Variants in TRIM37 observed in about 807,000 individuals in gnomAD.
The protein encoded by TRIM37 is tripartite motif containing 37, also known as E3 ubiquitin-protein ligase TRIM37.
A neutral mutation model predicts 129.8 loss-of-function variants in TRIM37; 80 were observed. The ratio of observed to expected loss-of-function variants is 0.62; its 90% CI spans 0.51 to 0.74. The LOEUF (loss-of-function observed/expected upper bound fraction) is 0.74, where lower values mean the gene tolerates loss of function less well. TRIM37 is among the 30% of genes least tolerant of loss of function. TRIM37 has a pLI of 0.00. For synonymous variants in TRIM37, 389 were observed against 387.1 expected, an observed-to-expected ratio of 1.00 and a Z score of -0.06; for missense variants, 1,054 against 1,176.5, an observed-to-expected ratio of 0.90 and a Z score of 1.52.
chr17:59,030,132 AGTTTCACTCGTTGCCCAGGCTG>A (rs1888900029), intron 18 of TRIM37, among the ~76,000 whole-genome samples: 1 of 150,946 alleles, frequency 6.6e-6, no homozygotes, highest in Non-Finnish European at 1.5e-5. Flanking sequence ...TTTTTCATGG[AGTTTCACTCGTTGCCCAGGCTG>A]GAGTGCAATG....
chr17:59,022,444 CGTA>C (rs1486338331), intron 19 of TRIM37, among the ~76,000 whole-genome samples: 1 of 152,140 alleles, frequency 6.6e-6, no homozygotes, highest in Non-Finnish European at 1.5e-5. Flanking sequence ...AAGAAATTCT[CGTA>C]GTAAGAAAAG....
At chr17:59,068,487 G>A (rs933294581) in intron 9 of TRIM37, among the ~76,000 whole-genome samples, 1 of 152,144 alleles carries the variant, frequency 6.6e-6, no homozygotes, top group Admixed American at 6.5e-5. Context: ...ATTCCACAGG[G>A]GATGAAATGG....
At chr17:59,041,438 A>C (rs1599090734) in intron 17 of TRIM37, among the ~76,000 whole-genome samples, 1 of 152,352 alleles carries the variant, frequency 6.6e-6, no homozygotes, top group East Asian at 1.9e-4. Context: ...TATCAGAAAG[A>C]ATAGTATAAA....
intron 19 of TRIM37, among the ~76,000 whole-genome samples, chr17:59,024,769 C>G (rs552394856): frequency 6.6e-6 from 1 of 152,342 alleles, no homozygotes; most frequent in South Asian, 2.1e-4. Flanking sequence ...AAGCCATCCT[C>G]CCTCATCAGC....
At chr17:59,073,356 C>T (rs750717493) in intron 8 of TRIM37, among the ~76,000 whole-genome samples, 12 of 151,856 alleles carry the variant, frequency 7.9e-5, no homozygotes, top group African/African-American at 1.5e-4. Flanking sequence ...TGCAGTGGCA[C>T]GATCTCGGCT....
At chr17:59,074,603 T>C (rs1474945200) in intron 8 of TRIM37, among the ~76,000 whole-genome samples, 2 of 152,210 alleles carry the variant, frequency 1.3e-5, no homozygotes, top group East Asian at 1.9e-4. Flanking sequence ...GGAAGTGTGA[T>C]GTTAAAACAA....
At position 59,088,891 on chromosome 17, in the gene TRIM37, C is replaced by T. The variant is rs146545603; in HGVS notation, c.165-484G>A. On this transcript the variant is annotated intron_variant, in intron 3 of 23. Coordinates refer to ENST00000262294, the MANE Select transcript of TRIM37 (RefSeq NM_015294.6). Reference sequence around the variant, plus strand: ...GTGACTTATTTTCACCACATTAACACGTCATTTATGAAAAGAAACAAAAAG... The same window carrying T: ...GTGACTTATTTTCACCACATTAACATGTCATTTATGAAAAGAAACAAAAAG... Among the ~76,000 whole-genome samples, 279 of 152,120 alleles carry T rather than the reference C, an allele frequency of 1.8e-3. 3 individuals are homozygous for T. The highest frequency in any genetic ancestry group is 6.4e-3 in the African/African-American group (265 of 41,538).
intron 14 of TRIM37, among the ~76,000 whole-genome samples, chr17:59,050,768 A>G (rs1444910293): frequency 2.0e-5 from 3 of 152,202 alleles, no homozygotes; most frequent in South Asian, 2.1e-4. Flanking sequence ...TCACGAGGTC[A>G]GGACATCGAG....
chr17:58,978,672 C>A (rs1309353101), downstream of TRIM37, among the ~76,000 whole-genome samples: 1 of 152,124 alleles, frequency 6.6e-6, no homozygotes, highest in African/African-American at 2.4e-5. Context: ...GATTGTGCCA[C>A]TGCACTCCAG....
Position 59,017,424 on chromosome 17 carries a change from G to T in TRIM37, c.2258C>A (p.Ser753Tyr), listed in dbSNP as rs1387443717. The T allele has an allele frequency of 6.2e-7, 1 of 1,613,846 alleles. No individual in the cohort carries two copies. The highest frequency in any genetic ancestry group is 8.5e-7 in the Non-Finnish European group (1 of 1,179,880). The change falls in exon 20 of 24, where the codon TCC becomes TAC. Residue 753 changes from serine (S) to tyrosine (Y), a missense_variant and splice_region_variant. Around this residue, in one of 3 missense-constraint regions of TRIM37, gnomAD observed 287 missense variants for 274.3 expected, o/e 1.05. Transcript: ENST00000262294. ...SSVANCYIRN[S>Y]TNKKSNSPKP... ...GGGCGAATTACTCTTCTTATTTGTG[G>T]CTGCAAAGACATTTAAGAACACCTC...
intron 8 of TRIM37, among the ~76,000 whole-genome samples, chr17:59,074,209 T>C (rs2146869420): frequency 6.6e-6 from 1 of 152,376 alleles, no homozygotes; most frequent in South Asian, 2.1e-4. Context: ...TTCAGCTCCA[T>C]TTTAATCTTG....
At chr17:58,994,610 G>A (rs535263590), downstream of TRIM37, among the ~76,000 whole-genome samples, 2 of 152,338 alleles carry the variant, frequency 1.3e-5, no homozygotes, top group East Asian at 3.9e-4. Flanking sequence ...CCAGGAGGAT[G>A]TGCACAGGTT....
Position 59,028,741 on chromosome 17 carries a change from A to T in TRIM37, c.1949-18T>A. ...ATATGATGCTTCAGAGAAATTGACA[A>T]GTCATGTTAACATAAACGTTAATAT... On this transcript the variant is annotated intron_variant, in intron 18 of 23. Coordinates refer to ENST00000262294, the MANE Select transcript of TRIM37 (RefSeq NM_015294.6). 1 of 1,613,554 alleles carries T rather than the reference A, an allele frequency of 6.2e-7. No individual in the cohort carries two copies.
At chr17:59,049,116 G>T in intron 15 of TRIM37, 62 bp downstream of exon 15, 1 of 1,346,776 alleles carries the variant, frequency 7.4e-7, no homozygotes, top group Non-Finnish European at 1.1e-6. Flanking sequence ...TATGTTAAAA[G>T]CCATGATGCT....
chr17:59,028,868 T>A, intron 18 of TRIM37, 145 bp from the exon 19 acceptor site: 2 of 778,280 alleles, frequency 2.6e-6, no homozygotes, highest in Non-Finnish European at 4.2e-6. Flanking sequence ...TAAATTCCAT[T>A]AATGAAAATA....
chr17:59,072,647 C>G (rs2042474205), intron 8 of TRIM37, among the ~76,000 whole-genome samples: 2 of 151,742 alleles, frequency 1.3e-5, no homozygotes, highest in African/African-American at 4.8e-5. Context: ...ACTCAGGAGG[C>G]TGAGGCACAA....
chr17:59,103,830 TAG>T (rs994365304), intron 2 of TRIM37, among the ~76,000 whole-genome samples: 2 of 151,810 alleles, frequency 1.3e-5, no homozygotes, highest in Middle Eastern at 3.4e-3. Context: ...GTATTTTTAG[TAG>T]AGACAGGGTT....
At position 59,006,153 on chromosome 17, in the gene TRIM37, C is replaced by A. The variant is rs531222792; in HGVS notation, c.2696-4439G>T. Among the ~76,000 whole-genome samples, 5 of 152,160 alleles carry A rather than the reference C, an allele frequency of 3.3e-5. No homozygotes were observed. In the South Asian group the frequency reaches 8.3e-4, roughly 25 times the overall value. ...TCCCAAGAAATGCTAGGAAGAAATT[C>A]CTGCATGAAAACGCCTGGTCTTTTA... On this transcript the variant is annotated intron_variant, in intron 22 of 23. Coordinates refer to ENST00000262294, the MANE Select transcript of TRIM37 (RefSeq NM_015294.6).
At chr17:59,030,570 T>C (rs1183398457) in intron 18 of TRIM37, among the ~76,000 whole-genome samples, 1 of 152,172 alleles carries the variant, frequency 6.6e-6, no homozygotes, top group Non-Finnish European at 1.5e-5. Flanking sequence ...ATTCAGATCA[T>C]CTCATTTGTA....
Sources: gnomAD v4.1 joint callset for allele counts (sites outside exome capture counted in the v4.1 genomes callset) on GRCh38, gnomAD v4.1.1 for gene constraint, gnomAD v4.1.1 regional missense constraint, MANE v1.5 for transcripts, NCBI Gene and HGNC (gene_info 2026-07-23, HGNC 2026-07-21) for gene names.